Variants in MAGI2 observed in about 807,000 individuals in gnomAD.
MAGI2 encodes membrane-associated guanylate kinase, WW and PDZ domain-containing protein 2.
A neutral mutation model predicts 133.3 loss-of-function variants in MAGI2; 35 were observed. That is an observed-to-expected ratio of 0.26 (90% confidence interval 0.20 to 0.35). The LOEUF is 0.35. Among genes scored for constraint, MAGI2 ranks in the 10% least tolerant of loss-of-function variants. MAGI2 has a pLI of 1.00. For missense variants in MAGI2, 1,636 were observed against 1,863.4 expected (o/e 0.88, Z 2.25); for synonymous variants, 729 against 710.6 (o/e 1.03, Z -0.41).
chr7:79,117,573 T>C (rs1022316112), intron 1 of MAGI2, among the ~76,000 whole-genome samples: 1 of 152,218 alleles, frequency 6.6e-6, no homozygotes, highest in Non-Finnish European at 1.5e-5. Flanking sequence ...TTTTTAGATG[T>C]TATTATTCAT....
chr7:78,391,062 C>A (rs995468941), intron 6 of MAGI2, among the ~76,000 whole-genome samples: 7 of 152,110 alleles, frequency 4.6e-5, no homozygotes. Context: ...TGTGGAGAGC[C>A]ACATGCAAGG....
At chr7:78,648,753 T>C (rs1166049835) in intron 2 of MAGI2, among the ~76,000 whole-genome samples, 4 of 152,218 alleles carry the variant, frequency 2.6e-5, no homozygotes. Flanking sequence ...ATTGCAAAGA[T>C]AAATTCTTTA....
chr7:78,881,159 T>G (rs1311160476), intron 2 of MAGI2, among the ~76,000 whole-genome samples: 1 of 152,090 alleles, frequency 6.6e-6, no homozygotes, highest in Non-Finnish European at 1.5e-5. Flanking sequence ...ACTAGACAGA[T>G]CATCAAGGCA....
At chr7:78,188,075 T>A (rs991799930) in intron 12 of MAGI2, among the ~76,000 whole-genome samples, 8 of 152,294 alleles carry the variant, frequency 5.3e-5, no homozygotes, top group Non-Finnish European at 1.0e-4. Flanking sequence ...TAGGATTGGA[T>A]CTAATTTCTA....
Position 78,151,048 on chromosome 7 carries a change from C to CTTTATATTTATATTTATATTTATA in MAGI2, c.2845+8953_2845+8976dup, listed in dbSNP as rs3840597. On this transcript the variant is annotated intron_variant, in intron 16 of 21. Transcript: ENST00000354212. Reference sequence around the variant, plus strand: ...GTATCAGGGGACTTGGAGTTTGATGCTTTATATTTATATTTATATTTATAT... The same window carrying CTTTATATTTATATTTATATTTATA: ...GTATCAGGGGACTTGGAGTTTGATGCTTTATATTTATATTTATATTTATATTTATATTTATATTTATATTTATAT... 4.5e-3 allele frequency among the ~76,000 whole-genome samples: 616 copies of CTTTATATTTATATTTATATTTATA among 137,796 alleles called. 3 individuals are homozygous for CTTTATATTTATATTTATATTTATA. The highest frequency in any genetic ancestry group is 6.1e-3 in the Admixed American group (84 of 13,664). 90.4% of individuals were successfully genotyped at this position (137,796 alleles called of 152,430 possible).
intron 1 of MAGI2, among the ~76,000 whole-genome samples, chr7:79,415,928 A>G (rs775008995): frequency 6.6e-6 from 1 of 152,108 alleles, no homozygotes; most frequent in Admixed American, 6.6e-5. Context: ...CTGGAAGGGT[A>G]AAACCTTAAA....
At chr7:78,517,243 G>C (rs1796121625) in intron 4 of MAGI2, among the ~76,000 whole-genome samples, 1 of 150,856 alleles carries the variant, frequency 6.6e-6, no homozygotes, top group Admixed American at 6.6e-5. Flanking sequence ...GATGATGTAA[G>C]GATACATCGT....
intron 2 of MAGI2, among the ~76,000 whole-genome samples, chr7:78,753,980 G>A (rs1343242386): frequency 2.6e-5 from 4 of 152,058 alleles, no homozygotes; most frequent in African/African-American, 7.2e-5. Context: ...ATCACTTGTG[G>A]TATACAGACC....
intron 1 of MAGI2, among the ~76,000 whole-genome samples, chr7:79,232,300 G>A (rs1831442938): frequency 6.9e-6 from 1 of 145,650 alleles, no homozygotes; most frequent in African/African-American, 2.5e-5. Flanking sequence ...GAATGATGCT[G>A]GCCTCATAAA....
intron 3 of MAGI2, among the ~76,000 whole-genome samples, chr7:78,586,782 A>C (rs117848914): frequency 0.028 from 4,188 of 152,238 alleles, 91 homozygotes; most frequent in Non-Finnish European, 0.039. Flanking sequence ...TCTGTCTATG[A>C]ATCTGACCAC....
intron 18 of MAGI2, 62 bp from the exon 19 acceptor site, chr7:78,127,478 C>A: frequency 7.6e-7 from 1 of 1,319,544 alleles, no homozygotes; most frequent in Non-Finnish European, 1.1e-6. Context: ...CTAGAGTGAT[C>A]ACACGGCCTC....
intron 3 of MAGI2, among the ~76,000 whole-genome samples, chr7:78,562,135 C>G (rs1800472184): frequency 6.6e-6 from 1 of 152,102 alleles, no homozygotes; most frequent in Non-Finnish European, 1.5e-5. Context: ...TAAAGATGTT[C>G]CATGTTACTG....
intron 1 of MAGI2, among the ~76,000 whole-genome samples, chr7:79,036,114 G>A (rs995078530): frequency 6.6e-6 from 1 of 152,182 alleles, no homozygotes; most frequent in African/African-American, 2.4e-5. Flanking sequence ...TGTAAAATGT[G>A]ACAGCCCAGT....
chr7:78,896,870 C>T (rs538021462), intron 2 of MAGI2, among the ~76,000 whole-genome samples: 16 of 152,236 alleles, frequency 1.1e-4, no homozygotes, highest in African/African-American at 3.6e-4. Flanking sequence ...ATATTCATTG[C>T]CTCTTTGGCG....
At chr7:78,521,976 CTT>C (rs879627429) in intron 3 of MAGI2, among the ~76,000 whole-genome samples, 3 of 152,124 alleles carry the variant, frequency 2.0e-5, no homozygotes, top group Non-Finnish European at 4.4e-5. Flanking sequence ...TATAACAAGA[CTT>C]GATTATAACC....
Position 78,059,773 on chromosome 7 carries a change from A to ATTTTTT in MAGI2, c.3706+19173_3706+19174insAAAAAA, listed in dbSNP as rs749682096. Reference sequence around the variant, plus strand: ...GAGGAACAATGCCATATATATATATATATATTTTTTTTCTGGAGTCCCTAC... The same window carrying ATTTTTT: ...GAGGAACAATGCCATATATATATATATTTTTTTATATTTTTTTTCTGGAGTCCCTAC... On this transcript the variant is annotated intron_variant, in intron 21 of 21. Transcript: ENST00000354212. 1.3e-4 allele frequency among the ~76,000 whole-genome samples: 10 copies of ATTTTTT among 77,214 alleles called. No homozygotes were observed. In the South Asian group the frequency reaches 2.9e-3, roughly 22 times the overall value. 50.7% of individuals were successfully genotyped at this position (77,214 alleles called of 152,430 possible). A position where few individuals can be genotyped will look rare whatever the true frequency, so the allele number is the denominator to read the frequency against.
At chr7:78,312,220 T>A (rs1798770054) in intron 9 of MAGI2, among the ~76,000 whole-genome samples, 1 of 138,444 alleles carries the variant, frequency 7.2e-6, no homozygotes, top group African/African-American at 2.8e-5. Flanking sequence ...GTTGTTTTAT[T>A]TTGAAACATT....
intron 1 of MAGI2, among the ~76,000 whole-genome samples, chr7:79,355,163 C>A (rs888468105): frequency 9.2e-5 from 14 of 152,174 alleles, no homozygotes; most frequent in African/African-American, 2.9e-4. Flanking sequence ...TGCCACTAAC[C>A]CATTCAGATT....
chr7:78,857,969 G>A lies in MAGI2; in HGVS notation c.418+149121C>T, dbSNP rs552672652. 3.3e-5 allele frequency among the ~76,000 whole-genome samples: 5 copies of A among 152,222 alleles called. 1 individual carries two copies. In the South Asian group the frequency reaches 1.0e-3, roughly 32 times the overall value. ...TAGTCAGCGATTCAGCTTCTTCCTGGTTTAGTCTTGGGAGGGTGTATGTGT... is the reference window on the plus strand; with the variant it reads ...TAGTCAGCGATTCAGCTTCTTCCTGATTTAGTCTTGGGAGGGTGTATGTGT... On this transcript the variant is annotated intron_variant, in intron 2 of 21. Coordinates refer to ENST00000354212, the MANE Select transcript of MAGI2 (RefSeq NM_012301.4).
Sources: gnomAD v4.1 joint callset for allele counts (sites outside exome capture counted in the v4.1 genomes callset) on GRCh38, gnomAD v4.1.1 for gene constraint, MANE v1.5 for transcripts, NCBI Gene and HGNC (gene_info 2026-07-23, HGNC 2026-07-21) for gene names.